The following TBR1 variants were observed in gnomAD, a reference collection of about 807,000 sequenced individuals.
TBR1 encodes the protein T-box brain protein 1.
A neutral mutation model predicts 60.3 loss-of-function variants in TBR1; 7 were observed. The ratio of observed to expected loss-of-function variants is 0.12; its 90% CI spans 0.07 to 0.22. The LOEUF is 0.22. TBR1 is among the 10% of genes least tolerant of loss of function. The pLI, the probability that TBR1 is intolerant of heterozygous loss-of-function variation, is 1.00. For synonymous variants in TBR1, 417 were observed against 409.9 expected (o/e 1.02, Z -0.21); for missense variants, 616 against 936.8 (o/e 0.66, Z 4.47).
In TBR1 at chr2:161,423,907, G is replaced by A. The variant is rs1371058774; in HGVS notation, c.1729G>A (p.Gly577Ser). 15 of 1,416,232 alleles carry A rather than the reference G, an allele frequency of 1.1e-5. No homozygotes were observed. In the East Asian group the frequency reaches 3.0e-4, roughly 29 times the overall value. The allele number at this position is 1,416,232 out of a possible 1,614,324, so 87.7% of individuals were successfully genotyped here. Residue 577 changes from glycine (G) to serine (S), a missense_variant, in exon 6 of 6, where the codon GGC (glycine) becomes AGC (serine). Around this residue, in one of 8 missense-constraint regions of TBR1, gnomAD observed 210 missense variants for 297.4 expected, o/e 0.71. Transcript: ENST00000389554. ...NSAAAAARMA[G>S]ANPYLGEEAE... ...CGCCGCGGCCGCCGCGCGCATGGCC[G>A]GCGCCAATCCCTACCTGGGCGAGGA... is the stretch of plus-strand genomic sequence containing the variant.
chr2:161,417,670 A>T lies in TBR1; in HGVS notation c.693-6A>T, dbSNP rs1441433654. On this transcript the variant is annotated splice_polypyrimidine_tract_variant and splice_region_variant and intron_variant, in intron 1 of 5. Transcript: ENST00000389554. This position sits in a 1 kb window ranked among gnomAD's most constrained non-coding sequence, Gnocchi z 5.3. ...GTTTTCTCCCCCCACCCCTTAATTT[A>T]AATAGGCGCATGTTTCCTTTTTTAA... is the stretch of plus-strand genomic sequence containing the variant. 1 of 1,609,618 alleles carries T rather than the reference A, an allele frequency of 6.2e-7. No individual in the cohort carries two copies. The highest frequency in any genetic ancestry group is 1.1e-5 in the South Asian group (1 of 90,002).
chr2:161,418,459 C>A (rs1574149920), intron 3 of TBR1, 137 bp downstream of exon 3: 5 of 1,261,420 alleles, frequency 4.0e-6, no homozygotes, highest in African/African-American at 1.5e-5. Context: ...AATTGTATTT[C>A]CACCCTCCAA....
intron 5 of TBR1, chr2:161,421,959 C>T: frequency 6.6e-6 from 1 of 152,604 alleles, no homozygotes; most frequent in Non-Finnish European, 1.5e-5. Flanking sequence ...CACACACACA[C>T]ACACACAAAC....
chr2:161,417,582 C>T lies in TBR1; in HGVS notation c.693-94C>T. On this transcript the variant is annotated intron_variant, in intron 1 of 5. Coordinates refer to ENST00000389554, the MANE Select transcript of TBR1 (RefSeq NM_006593.4). This position sits in a 1 kb window ranked among gnomAD's most constrained non-coding sequence, Gnocchi z 5.3. ...CTATTTGCTGCAAGTACAAGTTTTG[C>T]TTTGCTAACTGGCGCCCCGCTTCTT... 6.8e-7 allele frequency: 1 copy of T among 1,476,544 alleles called. No individual in the cohort carries two copies. Among genetic ancestry groups the T allele is most frequent in the Non-Finnish European group, 9.1e-7 (1 of 1,094,944 alleles). The allele number at this position is 1,476,544 out of a possible 1,614,324, so 91.5% of individuals were successfully genotyped here.
chr2:161,418,334 A>C lies in TBR1; in HGVS notation c.969+12A>C, dbSNP rs1574149848. On this transcript the variant is annotated intron_variant, in intron 3 of 5. Coordinates refer to ENST00000389554, the MANE Select transcript of TBR1 (RefSeq NM_006593.4). ...ATAACAATGGGCAGGTCAGTGGCTC[A>C]AGCGCTCGTGTTTTCTCTCTCTCTC... 6.2e-7 allele frequency: 1 copy of C among 1,611,034 alleles called. No homozygotes were observed. The highest frequency in any genetic ancestry group is 8.5e-7 in the Non-Finnish European group (1 of 1,178,496).
chr2:161,420,049 A>T (rs1684202636), intron 4 of TBR1, 147 bp from the exon 5 acceptor site: 1 of 498,812 alleles, frequency 2.0e-6, no homozygotes, highest in Non-Finnish European at 3.5e-6. Context: ...TTTCCACTCA[A>T]TCCCTCAAAT....
rs1439213784 is a variant in TBR1 at position 161,416,801 on chromosome 2, G to C, written c.391G>C (p.Gly131Arg). 3.1e-6 allele frequency: 5 copies of C among 1,613,996 alleles called. No homozygotes were observed. The highest frequency in any genetic ancestry group is 4.2e-6 in the Non-Finnish European group (5 of 1,180,046). The change falls in exon 1 of 6, where the codon GGA becomes CGA. Residue 131 changes from glycine (G) to arginine (R), a missense_variant. Coordinates refer to ENST00000389554, the MANE Select transcript of TBR1 (RefSeq NM_006593.4). The surrounding 1 kb of genome is among the most constrained non-coding windows in gnomAD (Gnocchi z 6.1). ...CATGTTCCCGTACCCCGGCCAGCACGGACCGGCGCACCCCGCCTTCTCCAT... is the reference window on the plus strand; with the variant it reads ...CATGTTCCCGTACCCCGGCCAGCACCGACCGGCGCACCCCGCCTTCTCCAT... ...SAMFPYPGQH[G>R]PAHPAFSIGS... is the part of the protein sequence containing the mutation.
chr2:161,425,311 A>G lies in TBR1; in HGVS notation c.*1084A>G, dbSNP rs1397251779. Reference sequence around the variant, plus strand: ...CCTTTATATGCTGTAAATCTTTGTAATGAATACTCTATTAATGATATAGAT... The same window carrying G: ...CCTTTATATGCTGTAAATCTTTGTAGTGAATACTCTATTAATGATATAGAT... On this transcript the variant is annotated 3_prime_UTR_variant, in exon 6 of 6. Transcript: ENST00000389554. 1 of 152,240 alleles carries G rather than the reference A, an allele frequency of 6.6e-6. No individual in the cohort carries two copies. The highest frequency in any genetic ancestry group is 2.4e-5 in the African/African-American group (1 of 41,464). 9.4% of individuals were successfully genotyped at this position (152,240 alleles called of 1,614,324 possible).
chr2:161,418,408 A>T (rs1684169127), intron 3 of TBR1, 86 bp downstream of exon 3: 1 of 1,501,982 alleles, frequency 6.7e-7, no homozygotes, highest in Non-Finnish European at 9.0e-7. Context: ...CAGCATATGG[A>T]ACTGGATACA....
Position 161,417,326 on chromosome 2 carries a change from C to G in TBR1, c.692+224C>G, listed in dbSNP as rs1684140417. On this transcript the variant is annotated intron_variant, in intron 1 of 5. Coordinates refer to ENST00000389554, the MANE Select transcript of TBR1 (RefSeq NM_006593.4). The surrounding 1 kb of genome is among the most constrained non-coding windows in gnomAD (Gnocchi z 5.3). Reference sequence around the variant, plus strand: ...ACATAGTGGGAGAGCCAGTCAGTGGCCAGAGGAAGGCAAGAAAAAGGAAGA... The same window carrying G: ...ACATAGTGGGAGAGCCAGTCAGTGGGCAGAGGAAGGCAAGAAAAAGGAAGA... 1.7e-6 allele frequency: 1 copy of G among 590,650 alleles called. No individual in the cohort carries two copies. The highest frequency in any genetic ancestry group is 3.4e-5 in the Admixed American group (1 of 29,798). 36.6% of individuals were successfully genotyped at this position (590,650 alleles called of 1,614,324 possible).
At chr2:161,419,208 CCA>C (rs1483145642) in intron 4 of TBR1, 158 bp downstream of exon 4, 2 of 1,045,252 alleles carry the variant, frequency 1.9e-6, no homozygotes, top group African/African-American at 3.3e-5. Flanking sequence ...CGGGGCCTGC[CCA>C]CGGCACCTTT....
chr2:161,417,193 G>A lies in TBR1; in HGVS notation c.692+91G>A. 1 of 1,381,474 alleles carries A rather than the reference G, an allele frequency of 7.2e-7. No individual in the cohort carries two copies. The highest frequency in any genetic ancestry group is 1.4e-5 in the South Asian group (1 of 69,692). 85.6% of individuals were successfully genotyped at this position (1,381,474 alleles called of 1,614,324 possible). On this transcript the variant is annotated intron_variant, in intron 1 of 5. Coordinates refer to ENST00000389554, the MANE Select transcript of TBR1 (RefSeq NM_006593.4). The surrounding 1 kb of genome is among the most constrained non-coding windows in gnomAD (Gnocchi z 5.3). ...ACTGCCGCGGCAGCGACGATTTGGG[G>A]TCGGGAGCGGAGTGGAAGGCGCCCT...
At position 161,423,378 on chromosome 2, in the gene TBR1, C is replaced by A; in HGVS notation, c.1200C>A (p.Thr400=). ...GFRDNYDTIY[T]GCDMDRLTPS... ...TCTCCCTACCCCGCAGGATCTACAC[C>A]GGCTGTGACATGGACCGCCTGACCC... The change falls in exon 6 of 6, where the codon ACC becomes ACA. Residue 400 remains threonine (T), a synonymous_variant. Transcript: ENST00000389554. 1.3e-6 allele frequency: 2 copies of A among 1,542,912 alleles called. No individual in the cohort carries two copies. Among genetic ancestry groups the A allele is most frequent in the Non-Finnish European group, 8.7e-7 (1 of 1,143,230 alleles).
In TBR1 at chr2:161,418,211, C is replaced by T; in HGVS notation, c.858C>T (p.Val286=). 1 of 1,613,044 alleles carries T rather than the reference C, an allele frequency of 6.2e-7. No individual in the cohort carries two copies. The highest frequency in any genetic ancestry group is 1.1e-5 in the South Asian group (1 of 90,884). The change falls in exon 3 of 6, where the codon GTC becomes GTT. Residue 286 remains valine (V), a synonymous_variant. Coordinates refer to ENST00000389554, the MANE Select transcript of TBR1 (RefSeq NM_006593.4). ...TATTTCTTTCTCTAGGAAATCGGGT[C>T]TATATGCATCCGGATTCCCCCAACA... ...KADTNVQGNR[V]YMHPDSPNTG... is the part of the protein sequence containing the mutation.
Position 161,416,473 on chromosome 2 carries a change from C to G in TBR1, c.63C>G (p.Ser21Arg). 5.6e-6 allele frequency: 9 copies of G among 1,613,446 alleles called. No individual in the cohort carries two copies. Among genetic ancestry groups the G allele is most frequent in the Non-Finnish European group, 7.6e-6 (9 of 1,179,580 alleles). The change falls in exon 1 of 6, where the codon AGC (serine) becomes AGG (arginine). Residue 21 changes from serine to arginine, a missense_variant. Ser to Arg is a moderately radical substitution (Grantham distance 110). Around this residue, in one of 8 missense-constraint regions of TBR1, gnomAD observed 211 missense variants for 268.7 expected, o/e 0.79. Coordinates refer to ENST00000389554, the MANE Select transcript of TBR1 (RefSeq NM_006593.4). This position sits in a 1 kb window ranked among gnomAD's most constrained non-coding sequence, Gnocchi z 6.1. Reference sequence around the variant, plus strand: ...TCTCCAAGAAATTTCTCAATGTGAGCAGCAGCTACCCACATTCAGGCGGAT... The same window carrying G: ...TCTCCAAGAAATTTCTCAATGTGAGGAGCAGCTACCCACATTCAGGCGGAT... ...IMLSKKFLNVSSSYPHSGGSE... is the reference protein window; with the variant it reads ...IMLSKKFLNVRSSYPHSGGSE...
In TBR1 at chr2:161,417,709, T is replaced by G. The variant is rs1684153323; in HGVS notation, c.726T>G (p.Ser242=). 1 of 1,614,008 alleles carries G rather than the reference T, an allele frequency of 6.2e-7. No homozygotes were observed. Among genetic ancestry groups the G allele is most frequent in the South Asian group, 1.1e-5 (1 of 91,064 alleles). ...RMFPFLSFNI[S]GLDPTAHYNI... ...TTCCTTTTTTAAGTTTTAACATTTC[T>G]GGTCTCGATCCCACGGCTCATTACA... The change falls in exon 2 of 6, where the codon TCT becomes TCG. Residue 242 remains serine (S), a synonymous_variant. Coordinates refer to ENST00000389554, the MANE Select transcript of TBR1 (RefSeq NM_006593.4). This position sits in a 1 kb window ranked among gnomAD's most constrained non-coding sequence, Gnocchi z 5.3.
At chr2:161,421,398 G>A (rs1684228756) in intron 5 of TBR1, 1 of 152,152 alleles carries the variant, frequency 6.6e-6, no homozygotes, top group African/African-American at 2.4e-5. Flanking sequence ...TTCTTCAAAA[G>A]TACTCCAAAG....
At chr2:161,419,271 G>A in intron 4 of TBR1, 1 of 587,508 alleles carries the variant, frequency 1.7e-6, no homozygotes, top group Non-Finnish European at 2.8e-6. Context: ...TTCGTCGCTG[G>A]TCACCCGGGC....
In TBR1 at chr2:161,425,273, C is replaced by T. The variant is rs1344507917; in HGVS notation, c.*1046C>T. Reference sequence around the variant, plus strand: ...TGACAAACTGTTTCTGAATATCTTTCAGTACCCCTTCACCTTTATATGCTG... The same window carrying T: ...TGACAAACTGTTTCTGAATATCTTTTAGTACCCCTTCACCTTTATATGCTG... On this transcript the variant is annotated 3_prime_UTR_variant, in exon 6 of 6. Transcript: ENST00000389554. 2.6e-5 allele frequency: 4 copies of T among 152,222 alleles called. No homozygotes were observed. The highest frequency in any genetic ancestry group is 9.7e-5 in the African/African-American group (4 of 41,446). 9.4% of individuals were successfully genotyped at this position (152,222 alleles called of 1,614,324 possible).
Sources: allele counts gnomAD v4.1 joint callset, GRCh38; gene constraint gnomAD v4.1.1; regional missense constraint gnomAD v4.1.1; non-coding constraint Gnocchi (gnomAD v3.1); transcripts MANE v1.5; gene names NCBI Gene and HGNC (gene_info 2026-07-23, HGNC 2026-07-21).